Variants in OPCML observed in about 807,000 individuals in gnomAD.
The protein encoded by OPCML is opioid-binding protein/cell adhesion molecule.
Under a neutral mutation model 37.8 loss-of-function variants are expected in OPCML, and 13 were observed. That is an observed-to-expected ratio of 0.34 (90% CI 0.22 to 0.55). The LOEUF (loss-of-function observed/expected upper bound fraction) is 0.55, where lower values mean the gene tolerates loss of function less well. Among genes scored for constraint, OPCML ranks in the 20% least tolerant of loss-of-function variants. OPCML has a pLI of 0.91. For synonymous variants in OPCML, 176 were observed against 168.8 expected (o/e 1.04, Z -0.33); for missense variants, 341 against 435.6 (o/e 0.78, Z 1.93).
chr11:132,678,356 G>C (rs767254629), intron 2 of OPCML, among the ~76,000 whole-genome samples: 1 of 152,106 alleles, frequency 6.6e-6, no homozygotes, highest in Non-Finnish European at 1.5e-5. Flanking sequence ...AAAATTAAAC[G>C]TACTCTTACC....
At chr11:132,455,075 A>G (rs77487297) in intron 4 of OPCML, among the ~76,000 whole-genome samples, 4,241 of 152,292 alleles carry the variant, frequency 0.028, 156 homozygotes, top group African/African-American at 0.095. Context: ...CTCCTAAAAC[A>G]TAACAGCTAC....
At chr11:133,490,382 G>A (rs933647495) in intron 1 of OPCML, among the ~76,000 whole-genome samples, 1 of 152,058 alleles carries the variant, frequency 6.6e-6, no homozygotes, top group African/African-American at 2.4e-5. Flanking sequence ...CTTGAACATT[G>A]TATATTCCTA....
chr11:133,002,781 G>A (rs919929087), intron 1 of OPCML, among the ~76,000 whole-genome samples: 1 of 151,892 alleles, frequency 6.6e-6, no homozygotes, highest in Non-Finnish European at 1.5e-5. Flanking sequence ...GAAAGAGAGG[G>A]GGGGGTGGGA....
chr11:132,444,550 C>A (rs781329782), intron 4 of OPCML, among the ~76,000 whole-genome samples: 3 of 152,166 alleles, frequency 2.0e-5, no homozygotes, highest in Non-Finnish European at 2.9e-5. Flanking sequence ...GATGTCACAT[C>A]TTCTACTTCC....
chr11:132,521,138 T>C (rs767353612), intron 4 of OPCML, among the ~76,000 whole-genome samples: 1 of 152,192 alleles, frequency 6.6e-6, no homozygotes, highest in African/African-American at 2.4e-5. Context: ...TCTGTGATGA[T>C]GAGCTTTTTT....
At chr11:133,220,669 G>A (rs530242034) in intron 1 of OPCML, among the ~76,000 whole-genome samples, 1 of 152,146 alleles carries the variant, frequency 6.6e-6, no homozygotes. Context: ...TAAAATCACA[G>A]GTATGTATAC....
chr11:132,497,020 G>A (rs1265376093), intron 4 of OPCML, among the ~76,000 whole-genome samples: 1 of 152,090 alleles, frequency 6.6e-6, no homozygotes, highest in Non-Finnish European at 1.5e-5. Flanking sequence ...GTGTGTGTGA[G>A]TGATGGTGAA....
chr11:133,451,843 G>GA (rs145214679), intron 1 of OPCML, among the ~76,000 whole-genome samples: 18 of 148,418 alleles, frequency 1.2e-4, no homozygotes, highest in South Asian at 2.1e-4. Context: ...ACTCCAACTA[G>GA]AAAAAAAAAA....
At chr11:133,435,749 A>C (rs1212636171) in intron 1 of OPCML, among the ~76,000 whole-genome samples, 2 of 152,240 alleles carry the variant, frequency 1.3e-5, no homozygotes, top group African/African-American at 2.4e-5. Flanking sequence ...ATTATCTCTG[A>C]CATTATCTCT....
chr11:132,796,760 A>G (rs1938347719), intron 2 of OPCML, among the ~76,000 whole-genome samples: 1 of 151,508 alleles, frequency 6.6e-6, no homozygotes, highest in Non-Finnish European at 1.5e-5. Context: ...TGTATTTTTT[A>G]GTAGAGACGG....
intron 1 of OPCML, among the ~76,000 whole-genome samples, chr11:133,092,433 C>T (rs894785078): frequency 6.6e-6 from 1 of 152,066 alleles, no homozygotes; most frequent in African/African-American, 2.4e-5. Flanking sequence ...GAATAAAACT[C>T]AAGAGCTGGC....
At chr11:133,364,106 G>A (rs2136729197) in intron 1 of OPCML, among the ~76,000 whole-genome samples, 1 of 152,270 alleles carries the variant, frequency 6.6e-6, no homozygotes, top group Admixed American at 6.5e-5. Flanking sequence ...CTAAAATGTT[G>A]TTATCGATTT....
chr11:132,892,880 T>C (rs1183727376), intron 2 of OPCML, among the ~76,000 whole-genome samples: 1 of 152,206 alleles, frequency 6.6e-6, no homozygotes, highest in Non-Finnish European at 1.5e-5. Flanking sequence ...CCCAGCTTTA[T>C]CTGGATTACA....
At chr11:132,623,054 G>C (rs979679921) in intron 3 of OPCML, among the ~76,000 whole-genome samples, 1 of 152,134 alleles carries the variant, frequency 6.6e-6, no homozygotes, top group Non-Finnish European at 1.5e-5. Flanking sequence ...TTTATTATCA[G>C]TTTGGGCTAT....
chr11:133,042,296 T>G (rs181392894), intron 1 of OPCML, among the ~76,000 whole-genome samples: 1 of 152,216 alleles, frequency 6.6e-6, no homozygotes, highest in Non-Finnish European at 1.5e-5. Flanking sequence ...ATGGATAGTA[T>G]GGCCTCGTGT....
intron 1 of OPCML, among the ~76,000 whole-genome samples, chr11:133,282,302 A>G (rs1281724081): frequency 2.0e-5 from 3 of 152,144 alleles, no homozygotes; most frequent in Non-Finnish European, 4.4e-5. Flanking sequence ...TGCTCCCCAC[A>G]TCCTGGCTGC....
chr11:132,830,639 T>A (rs978691220), intron 2 of OPCML, among the ~76,000 whole-genome samples: 4 of 152,210 alleles, frequency 2.6e-5, no homozygotes, highest in African/African-American at 9.6e-5. Context: ...GGCTCATGGA[T>A]AGAACCCAGA....
chr11:132,690,385 A>C (rs1943350148), intron 2 of OPCML, among the ~76,000 whole-genome samples: 1 of 152,228 alleles, frequency 6.6e-6, no homozygotes, highest in Non-Finnish European at 1.5e-5. Context: ...AAGATTAGAT[A>C]ATGCTTATGC....
intron 2 of OPCML, among the ~76,000 whole-genome samples, chr11:132,674,799 C>A (rs1942628578): frequency 6.6e-6 from 1 of 152,132 alleles, no homozygotes; most frequent in African/African-American, 2.4e-5. Context: ...CTTCTCATTG[C>A]TGAGTTGCAA....
Sources: gnomAD v4.1 joint callset for allele counts (sites outside exome capture counted in the v4.1 genomes callset) on GRCh38, gnomAD v4.1.1 for gene constraint, MANE v1.5 for transcripts, NCBI Gene and HGNC (gene_info 2026-07-23, HGNC 2026-07-21) for gene names.